The following BTG4 variants were observed in gnomAD, a reference collection of about 807,000 sequenced individuals.
The protein encoded by BTG4 is protein BTG4.
BTG4 carries 10 observed loss-of-function variants against 19.3 expected under a neutral mutation model. The observed-to-expected ratio is 0.52, with a 90% CI of 0.32 to 0.88. BTG4 has a LOEUF of 0.88. BTG4 is among the 40% of genes least tolerant of loss of function. BTG4 has a pLI of 0.04. For missense variants in BTG4, 238 were observed against 281.9 expected, an observed-to-expected ratio of 0.84 and a Z score of 1.11; for synonymous variants, 91 against 95.7, an observed-to-expected ratio of 0.95 and a Z score of 0.29.
chr11:111,482,622 C>A (rs985802470), intron 5 of BTG4, among the ~76,000 whole-genome samples: 1 of 152,042 alleles, frequency 6.6e-6, no homozygotes, highest in African/African-American at 2.4e-5. Flanking sequence ...ACACAGAACA[C>A]AGAAATACAC....
the BTG4 span, among the ~76,000 whole-genome samples, chr11:111,445,055 T>TG: frequency 5.3e-5 from 8 of 152,304 alleles, no homozygotes; most frequent in African/African-American, 1.9e-4. Context: ...AGAAGAGAGA[T>TG]GGGGAGCCCA....
intron 5 of BTG4, among the ~76,000 whole-genome samples, chr11:111,478,713 A>T (rs1864546359): frequency 6.6e-6 from 1 of 152,156 alleles, no homozygotes; most frequent in Non-Finnish European, 1.5e-5. Context: ...AAATGTAAAA[A>T]CTAAAATATA....
the BTG4 span, among the ~76,000 whole-genome samples, chr11:111,452,240 T>C: frequency 1.3e-5 from 2 of 152,240 alleles, no homozygotes; most frequent in African/African-American, 4.8e-5. Context: ...TTGAGTCATC[T>C]GATGTGAACA....
downstream of BTG4, among the ~76,000 whole-genome samples, chr11:111,490,203 G>A (rs2135626867): frequency 6.6e-6 from 1 of 151,992 alleles, no homozygotes; most frequent in East Asian, 1.9e-4. Flanking sequence ...ATACTGGAAG[G>A]TAGAGGTTGC....
At chr11:111,396,274 T>A in the BTG4 span, among the ~76,000 whole-genome samples, 1 of 152,160 alleles carries the variant, frequency 6.6e-6, no homozygotes, top group Non-Finnish European at 1.5e-5. Context: ...TGGCACTAGG[T>A]AACGTTCTGA....
chr11:111,401,851 G>A, the BTG4 span, among the ~76,000 whole-genome samples: 1 of 152,184 alleles, frequency 6.6e-6, no homozygotes, highest in Non-Finnish European at 1.5e-5. Flanking sequence ...CTCTCAGAAA[G>A]TATGTGTTGA....
At chr11:111,511,516 C>G (rs184176036) in intron 1 of BTG4, among the ~76,000 whole-genome samples, 8 of 152,274 alleles carry the variant, frequency 5.3e-5, no homozygotes, top group African/African-American at 1.4e-4. Context: ...TAGAACTAAG[C>G]CTTTGGTGTC....
the BTG4 span, among the ~76,000 whole-genome samples, chr11:111,461,298 G>A: frequency 6.6e-6 from 1 of 152,164 alleles, no homozygotes; most frequent in African/African-American, 2.4e-5. Flanking sequence ...ATGTCTTCAC[G>A]ATATGAGGAG....
At chr11:111,386,223 T>C in the BTG4 span, 3 of 152,188 alleles carry the variant, frequency 2.0e-5, no homozygotes, top group African/African-American at 7.2e-5. Flanking sequence ...TTTTTGTATA[T>C]AGGACACAAA....
chr11:111,390,766 C>G, the BTG4 span, among the ~76,000 whole-genome samples: 15 of 152,330 alleles, frequency 9.8e-5, no homozygotes, highest in Admixed American at 2.6e-4. Flanking sequence ...TTCTTCGAAG[C>G]CTTCCAGTCC....
the BTG4 span, among the ~76,000 whole-genome samples, chr11:111,460,655 G>A: frequency 5.3e-5 from 8 of 152,130 alleles, no homozygotes; most frequent in South Asian, 4.1e-4. Flanking sequence ...CTCCAGCCTC[G>A]GGGAAAGCAA....
chr11:111,503,154 G>A (rs988327169), intron 1 of BTG4, among the ~76,000 whole-genome samples: 1 of 152,124 alleles, frequency 6.6e-6, no homozygotes, highest in African/African-American at 2.4e-5. Flanking sequence ...TGACTACTTG[G>A]ATGTAAAGTT....
chr11:111,489,417 C>T (rs984829621), intron 5 of BTG4, among the ~76,000 whole-genome samples: 5 of 152,172 alleles, frequency 3.3e-5, no homozygotes, highest in African/African-American at 1.2e-4. Flanking sequence ...TATGATCCAG[C>T]AATCCCACCG....
chr11:111,416,715 G>C, the BTG4 span: 1 of 152,200 alleles, frequency 6.6e-6, no homozygotes, highest in Non-Finnish European at 1.5e-5. Flanking sequence ...CCCTGTCACC[G>C]TGAGAAAGCG....
At chr11:111,456,801 C>T in the BTG4 span, 2 of 270,520 alleles carry the variant, frequency 7.4e-6, no homozygotes, top group African/African-American at 2.2e-5. The surrounding 1 kb of genome is among the most constrained non-coding windows in gnomAD (Gnocchi z 4.2). Context: ...TGAGGCAGGG[C>T]TTGCTGGGAC....
rs1273973769 is a variant in BTG4, at chr11:111,498,669, C to T, written c.108G>A (p.Thr36=). The stretch of plus-strand genomic sequence containing the variant: ...GACTTCTGTATGTTTCAAACAAGAT[C>T]GTCATCAGCTTTTCTGCAAAGTCTT... ...QIEDFAEKLM[T]ILFETYRSHW... Residue 36 remains threonine (T), a synonymous_variant, in exon 2 of 5, where the codon ACG becomes ACA. Coordinates refer to ENST00000692032, the MANE Select transcript of BTG4 (RefSeq NM_001367975.1). 4 of 1,613,812 alleles carry T rather than the reference C, an allele frequency of 2.5e-6. No homozygotes were observed. Among genetic ancestry groups the T allele is most frequent in the Non-Finnish European group, 3.4e-6 (4 of 1,179,942 alleles).
the BTG4 span, chr11:111,453,410 T>C: frequency 8.8e-6 from 4 of 456,308 alleles, no homozygotes; most frequent in South Asian, 1.6e-5. Flanking sequence ...ACTCTGTAGA[T>C]GCAGTGTCAC....
rs993972252 is a variant in BTG4 at position 111,473,837 on chromosome 11, T to A, written c.663-6156A>T. On this transcript the variant is annotated intron_variant, in intron 5 of 5. Transcript: ENST00000356018. ...CATCAAGCTGGAGGAGAACAAAAAGTAGCTAGAACATGGGTCCACTGTCTT... is the reference window on the plus strand; with the variant it reads ...CATCAAGCTGGAGGAGAACAAAAAGAAGCTAGAACATGGGTCCACTGTCTT... 2.0e-5 allele frequency among the ~76,000 whole-genome samples: 3 copies of A among 152,286 alleles called. No individual in the cohort carries two copies. In the East Asian group the frequency reaches 5.8e-4, roughly 29 times the overall value.
At chr11:111,507,043 A>G (rs1466149186) in intron 1 of BTG4, among the ~76,000 whole-genome samples, 1 of 152,056 alleles carries the variant, frequency 6.6e-6, no homozygotes, top group African/African-American at 2.4e-5. Context: ...GATTATGTAA[A>G]TTTTTTAACT....
Sources: allele counts gnomAD v4.1 joint callset (sites outside exome capture counted in the v4.1 genomes callset), GRCh38; gene constraint gnomAD v4.1.1; non-coding constraint Gnocchi (gnomAD v3.1); transcripts MANE v1.5; gene names NCBI Gene and HGNC (gene_info 2026-07-23, HGNC 2026-07-21).